EPHA7: variants seen among roughly 807,000 people sequenced by gnomAD.
EPHA7 encodes the protein EPH receptor A7.
A neutral mutation model predicts 112.6 loss-of-function variants in EPHA7; 25 were observed. The observed-to-expected ratio is 0.22, with a 90% confidence interval of 0.16 to 0.31. EPHA7 has a LOEUF of 0.31. EPHA7 is among the 10% of genes least tolerant of loss of function. The probability of loss-of-function intolerance (pLI) is 1.00; values close to 1 mark genes in which losing one functional copy is unlikely to be tolerated. For missense variants in EPHA7, 962 were observed against 1,212.6 expected (o/e 0.79, Z 3.07); for synonymous variants, 437 against 406.5 (o/e 1.07, Z -0.90).
chr6:93,301,503 A>T (rs999491109), intron 5 of EPHA7, among the ~76,000 whole-genome samples: 6 of 152,202 alleles, frequency 3.9e-5, no homozygotes, highest in African/African-American at 1.4e-4. Context: ...TTCAAAACAA[A>T]GTTGTTAAAT....
rs1769648513 is a variant in EPHA7, at chr6:93,240,578, T to G, written c.*2848A>C. On this transcript the variant is annotated 3_prime_UTR_variant, in exon 17 of 17. Coordinates refer to ENST00000369303, the MANE Select transcript of EPHA7 (RefSeq NM_004440.4). ...AGATTCAAATGTAGAACAAGTTACT[T>G]TTATTTCAGTACTGAATGCAAAACA... is the stretch of plus-strand genomic sequence containing the variant. 4.6e-6 allele frequency: 1 copy of G among 218,782 alleles called. No individual in the cohort carries two copies. The highest frequency in any genetic ancestry group is 5.8e-5 in the Admixed American group (1 of 17,212). The allele number at this position is 218,782 out of a possible 1,614,324, so 13.6% of individuals were successfully genotyped here.
At chr6:93,251,436 A>T (rs1008137897) in intron 14 of EPHA7, among the ~76,000 whole-genome samples, 1 of 151,854 alleles carries the variant, frequency 6.6e-6, no homozygotes, top group Non-Finnish European at 1.5e-5. Context: ...TTAACAATTT[A>T]CTGGCCTAGT....
intron 5 of EPHA7, among the ~76,000 whole-genome samples, chr6:93,280,815 C>T (rs758673566): frequency 1.9e-4 from 29 of 149,344 alleles, no homozygotes; most frequent in Non-Finnish European, 3.9e-4. Flanking sequence ...GTAAGAATTC[C>T]AAAAAAAAAG....
At chr6:93,264,252 G>T (rs1401485922) in intron 8 of EPHA7, among the ~76,000 whole-genome samples, 2 of 151,352 alleles carry the variant, frequency 1.3e-5, no homozygotes, top group African/African-American at 4.8e-5. Flanking sequence ...TTCTGGAAAA[G>T]AAAAACTTTT....
At chr6:93,285,944 T>C (rs1400711823) in intron 5 of EPHA7, among the ~76,000 whole-genome samples, 1 of 152,168 alleles carries the variant, frequency 6.6e-6, no homozygotes, top group Non-Finnish European at 1.5e-5. Flanking sequence ...GGCACCCTTT[T>C]TTACATATTC....
chr6:93,295,154 G>A (rs1041951197), intron 5 of EPHA7, among the ~76,000 whole-genome samples: 1 of 151,902 alleles, frequency 6.6e-6, no homozygotes, highest in Admixed American at 6.6e-5. Flanking sequence ...GTGTGAATGT[G>A]TACACTAGAA....
At position 93,251,695 on chromosome 6, in the gene EPHA7, T is replaced by C. The variant is rs540046352; in HGVS notation, c.2532+2952A>G. Among the ~76,000 whole-genome samples, 327 of 152,038 alleles carry C rather than the reference T, an allele frequency of 2.2e-3. 2 individuals are homozygous for C. Among genetic ancestry groups the C allele is most frequent in the African/African-American group, 7.5e-3 (313 of 41,534 alleles). ...AAAAGTTGATTTGGATGAATCAAGA[T>C]ATAAAATTCAGTTAAAAGATGGCTG... is the stretch of plus-strand genomic sequence containing the variant. On this transcript the variant is annotated intron_variant, in intron 14 of 16. Coordinates refer to ENST00000369303, the MANE Select transcript of EPHA7 (RefSeq NM_004440.4).
chr6:93,305,729 C>T (rs898606589), intron 5 of EPHA7, among the ~76,000 whole-genome samples: 1 of 151,798 alleles, frequency 6.6e-6, no homozygotes, highest in Non-Finnish European at 1.5e-5. Flanking sequence ...TATTTCATTA[C>T]CTACGGGAAT....
At chr6:93,259,714 G>C (rs1464274046) in intron 9 of EPHA7, among the ~76,000 whole-genome samples, 1 of 151,900 alleles carries the variant, frequency 6.6e-6, no homozygotes, top group Non-Finnish European at 1.5e-5. Context: ...TGCTTTTCCA[G>C]TAAATCAACA....
At chr6:93,282,966 G>A (rs1407243048) in intron 5 of EPHA7, among the ~76,000 whole-genome samples, 1 of 152,146 alleles carries the variant, frequency 6.6e-6, no homozygotes, top group African/African-American at 2.4e-5. Flanking sequence ...TAGTCCCATC[G>A]ACCACCCAAG....
intron 5 of EPHA7, among the ~76,000 whole-genome samples, chr6:93,332,329 T>C (rs991553673): frequency 4.6e-5 from 7 of 151,610 alleles, no homozygotes; most frequent in African/African-American, 1.7e-4. Flanking sequence ...AGTACAATAA[T>C]GGTAACTATA....
chr6:93,410,834 G>A lies in EPHA7; in HGVS notation c.499C>T (p.Leu167Phe). Reference protein sequence around the residue: ...QGDLGERKMKLNTEVREIGPL... With the variant: ...QGDLGERKMKFNTEVREIGPL... Reference sequence around the variant, plus strand: ...CCAATCTCTCTCACCTCAGTGTTAAGCTTCATCTTTCTTTCACCAAGGTCA... The same window carrying A: ...CCAATCTCTCTCACCTCAGTGTTAAACTTCATCTTTCTTTCACCAAGGTCA... Residue 167 changes from leucine to phenylalanine, a missense_variant, in exon 3 of 17, where the codon CTT (leucine) becomes TTT (phenylalanine). Around this residue, in one of 3 missense-constraint regions of EPHA7, gnomAD observed 160 missense variants for 263.6 expected, o/e 0.61. Transcript: ENST00000369303. The surrounding 1 kb of genome is among the most constrained non-coding windows in gnomAD (Gnocchi z 4.0). 1 of 1,613,974 alleles carries A rather than the reference G, an allele frequency of 6.2e-7. No homozygotes were observed. Among genetic ancestry groups the A allele is most frequent in the Non-Finnish European group, 8.5e-7 (1 of 1,179,950 alleles).
At chr6:93,375,643 A>C (rs1223681297) in intron 3 of EPHA7, among the ~76,000 whole-genome samples, 1 of 151,712 alleles carries the variant, frequency 6.6e-6, no homozygotes, top group Non-Finnish European at 1.5e-5. Context: ...AAAAAAAAAA[A>C]CAAACTCCTA....
rs185249394 is a variant in EPHA7, at chr6:93,279,045, A to C, written c.1325-6623T>G. 3.7e-3 allele frequency among the ~76,000 whole-genome samples: 565 copies of C among 152,200 alleles called. 4 individuals are homozygous for C. The highest frequency in any genetic ancestry group is 6.2e-3 in the Non-Finnish European group (420 of 67,976). On this transcript the variant is annotated intron_variant, in intron 5 of 16. Transcript: ENST00000369303. The stretch of plus-strand genomic sequence containing the variant: ...AAGCTGCAGATACTAGAAGAGATTA[A>C]GCTGAGCAGAGATTTTTTAAATGGA...
intron 3 of EPHA7, among the ~76,000 whole-genome samples, chr6:93,391,031 A>G (rs1421080700): frequency 6.6e-6 from 1 of 151,966 alleles, no homozygotes; most frequent in East Asian, 1.9e-4. Flanking sequence ...CCCCCAATAT[A>G]TTACATTCCC....
intron 5 of EPHA7, among the ~76,000 whole-genome samples, chr6:93,315,098 G>C (rs1010141666): frequency 6.7e-6 from 1 of 149,888 alleles, no homozygotes; most frequent in African/African-American, 2.5e-5. Flanking sequence ...TCCTGACCTC[G>C]TGATCCGCCC....
intron 5 of EPHA7, among the ~76,000 whole-genome samples, chr6:93,293,182 T>A (rs1772475872): frequency 6.6e-6 from 1 of 151,636 alleles, no homozygotes; most frequent in African/African-American, 2.4e-5. Context: ...TATATATATA[T>A]ATAATTTTTT....
At chr6:93,310,215 A>G (rs546125073) in intron 5 of EPHA7, among the ~76,000 whole-genome samples, 4 of 152,246 alleles carry the variant, frequency 2.6e-5, no homozygotes, top group African/African-American at 7.2e-5. Flanking sequence ...TATGACTTCA[A>G]TGGAGAAAGT....
chr6:93,406,168 T>C (rs1182169107), intron 3 of EPHA7, among the ~76,000 whole-genome samples: 2 of 151,584 alleles, frequency 1.3e-5, no homozygotes, highest in African/African-American at 4.8e-5. Context: ...CATGAAATCA[T>C]CTGAAAGAAA....
Sources: allele counts gnomAD v4.1 joint callset (sites outside exome capture counted in the v4.1 genomes callset), GRCh38; gene constraint gnomAD v4.1.1; regional missense constraint gnomAD v4.1.1; non-coding constraint Gnocchi (gnomAD v3.1); transcripts MANE v1.5; gene names NCBI Gene and HGNC (gene_info 2026-07-23, HGNC 2026-07-21).